UNC93B1: variants seen among roughly 807,000 people sequenced by gnomAD.
UNC93B1 encodes protein unc-93 homolog B1.
In UNC93B1, 33 loss-of-function variants were observed where a neutral mutation model predicts 56.8. That is an observed-to-expected ratio of 0.58 (90% CI 0.44 to 0.78). UNC93B1 has a LOEUF of 0.78. UNC93B1 is among the 30% of genes least tolerant of loss of function. UNC93B1 has a pLI of 0.00. For missense variants in UNC93B1, 673 were observed against 819.5 expected (o/e 0.82, Z 2.18); for synonymous variants, 334 against 358.6 (o/e 0.93, Z 0.77).
intron 3 of UNC93B1, among the ~76,000 whole-genome samples, chr11:68,002,233 C>G (rs1219770888): frequency 1.3e-5 from 2 of 150,512 alleles, no homozygotes; most frequent in African/African-American, 4.9e-5. Context: ...GGCACGTCCA[C>G]ACACGTGCTC....
At position 68,003,888 on chromosome 11, in the gene UNC93B1, G is replaced by A; in HGVS notation, c.96+60C>T. 3.1e-6 allele frequency: 4 copies of A among 1,279,250 alleles called. No individual in the cohort carries two copies. Among genetic ancestry groups the A allele is most frequent in the Non-Finnish European group, 3.9e-6 (4 of 1,019,546 alleles). The allele number at this position is 1,279,250 out of a possible 1,614,324, so 79.2% of individuals were successfully genotyped here. A position where few individuals can be genotyped will look rare whatever the true frequency, so the allele number is the denominator to read the frequency against. ...CCGCCCCCCGGCCCGCCCCGCCCCC[G>A]CCGGGGGGACCCTGGCCCACAGGGG... On this transcript the variant is annotated intron_variant, in intron 1 of 10. Coordinates refer to ENST00000227471, the MANE Select transcript of UNC93B1 (RefSeq NM_030930.4). This position sits in a 1 kb window ranked among gnomAD's most constrained non-coding sequence, Gnocchi z 4.4.
chr11:67,994,086 G>A (rs777557895), intron 9 of UNC93B1, among the ~76,000 whole-genome samples: 1 of 152,256 alleles, frequency 6.6e-6, no homozygotes, highest in Admixed American at 6.5e-5. Context: ...TCTGTGCTTA[G>A]TCATGTCCTG....
In UNC93B1 at chr11:67,998,351, G is replaced by A. The variant is rs2134362905; in HGVS notation, c.781+8C>T. On this transcript the variant is annotated splice_region_variant and intron_variant, in intron 6 of 10. Coordinates refer to ENST00000227471, the MANE Select transcript of UNC93B1 (RefSeq NM_030930.4). Reference sequence around the variant, plus strand: ...TGGACTCCTCCCCAACCCCCAACAAGGACTAACCGCAGCTCTGCACATTGT... The same window carrying A: ...TGGACTCCTCCCCAACCCCCAACAAAGACTAACCGCAGCTCTGCACATTGT... 1 of 1,613,830 alleles carries A rather than the reference G, an allele frequency of 6.2e-7. No homozygotes were observed. Among genetic ancestry groups the A allele is most frequent in the Non-Finnish European group, 8.5e-7 (1 of 1,179,802 alleles).
intron 10 of UNC93B1, among the ~76,000 whole-genome samples, chr11:67,993,284 C>T (rs1343749681): frequency 6.6e-5 from 10 of 152,252 alleles, no homozygotes; most frequent in African/African-American, 9.6e-5. Context: ...CCACCGCGCC[C>T]GGCCTTTAGT....
rs61887536 is a variant in UNC93B1, at chr11:67,997,046, C to G, written c.907-262G>C. ...GCCTCCCAGCCCAAGGCCCCATCCC[C>G]TCTCTCTCACATACACACACTTCAC... On this transcript the variant is annotated intron_variant, in intron 7 of 10. Coordinates refer to ENST00000227471, the MANE Select transcript of UNC93B1 (RefSeq NM_030930.4). Among the ~76,000 whole-genome samples the G allele has an allele frequency of 3.9e-5, 6 of 152,188 alleles. No individual in the cohort carries two copies. In the East Asian group the frequency reaches 7.7e-4, roughly 20 times the overall value.
chr11:68,003,128 C>G lies in UNC93B1; in HGVS notation c.286G>C (p.Glu96Gln), dbSNP rs753436679. ...LILHYDETYR[E>Q]VKYGNMGLPD... ...AGCCCCATGTTGCCATACTTCACCT[C>G]GCGGTAGGTCTCGTCGTAGTGCAGG... The change falls in exon 3 of 11, where the codon GAG becomes CAG. Residue 96 changes from glutamate to glutamine, a missense_variant. Around this residue, in one of 3 missense-constraint regions of UNC93B1, gnomAD observed 438 missense variants for 465.9 expected, o/e 0.94. Coordinates refer to ENST00000227471, the MANE Select transcript of UNC93B1 (RefSeq NM_030930.4). The surrounding 1 kb of genome is among the most constrained non-coding windows in gnomAD (Gnocchi z 4.4). The G allele has an allele frequency of 8.7e-6, 14 of 1,613,386 alleles. No individual in the cohort carries two copies. The highest frequency in any genetic ancestry group is 1.3e-5 in the African/African-American group (1 of 74,890).
chr11:67,998,539 AGCCTTGGGGGAACAGGG>A, intron 5 of UNC93B1, 87 bp from the exon 6 acceptor site: 1 of 1,364,426 alleles, frequency 7.3e-7, no homozygotes, highest in Non-Finnish European at 1.0e-6. Flanking sequence ...GTCCAGGCAC[AGCCTTGGGGGAACAGGG>A]GCCTTCCCAG....
intron 10 of UNC93B1, among the ~76,000 whole-genome samples, chr11:67,992,905 C>A (rs1267437878): frequency 6.6e-6 from 1 of 151,914 alleles, no homozygotes; most frequent in Non-Finnish European, 1.5e-5. Context: ...GATCTCAGAA[C>A]CCCCACCTCA....
In UNC93B1 at chr11:68,003,418, A is replaced by G; in HGVS notation, c.238+239T>C. 1.2e-6 allele frequency: 1 copy of G among 805,300 alleles called. No individual in the cohort carries two copies. The highest frequency in any genetic ancestry group is 1.8e-6 in the Non-Finnish European group (1 of 541,570). 49.9% of individuals were successfully genotyped at this position (805,300 alleles called of 1,614,324 possible). ...GCCGGCCTCCAATTCTGACGGTGGC[A>G]GGTCTGTCCGGGAGCCCGGACCCCC... On this transcript the variant is annotated intron_variant, in intron 2 of 10. Coordinates refer to ENST00000227471, the MANE Select transcript of UNC93B1 (RefSeq NM_030930.4). This position sits in a 1 kb window ranked among gnomAD's most constrained non-coding sequence, Gnocchi z 4.4.
At position 67,991,589 on chromosome 11, in the gene UNC93B1, G is replaced by A. The variant is rs766109609; in HGVS notation, c.1751C>T (p.Pro584Leu). The A allele has an allele frequency of 1.9e-5, 29 of 1,495,732 alleles. No individual in the cohort carries two copies. Among genetic ancestry groups the A allele is most frequent in the Non-Finnish European group, 2.6e-5 (29 of 1,130,386 alleles). The allele number at this position is 1,495,732 out of a possible 1,614,324, so 92.7% of individuals were successfully genotyped here. Residue 584 changes from proline to leucine, a missense_variant, in exon 11 of 11, where the codon CCG (proline) becomes CTG (leucine). Coordinates refer to ENST00000227471, the MANE Select transcript of UNC93B1 (RefSeq NM_030930.4). The stretch of plus-strand genomic sequence containing the variant: ...GTCTCCCCCCTGCGCCTGTTCGTAC[G>A]GGCAGGGCCGGCGGCCGAGTCCAGC... The part of the protein sequence containing the change: ...EPAGLGRRPC[P>L]YEQAQGGDGP...
chr11:67,995,446 T>C (rs1030605278), intron 9 of UNC93B1, among the ~76,000 whole-genome samples, 165 bp downstream of exon 9: 1 of 151,300 alleles, frequency 6.6e-6, no homozygotes, highest in African/African-American at 2.4e-5. Flanking sequence ...ACCCCCGGAG[T>C]GTCCACAGGA....
rs1380707718 is a variant in UNC93B1 at position 68,003,802 on chromosome 11, C to A, written c.97-4G>T. On this transcript the variant is annotated splice_polypyrimidine_tract_variant and splice_region_variant and intron_variant, in intron 1 of 10. Coordinates refer to ENST00000227471, the MANE Select transcript of UNC93B1 (RefSeq NM_030930.4). This position sits in a 1 kb window ranked among gnomAD's most constrained non-coding sequence, Gnocchi z 4.4. Reference sequence around the variant, plus strand: ...ACGCGCCCACCAGCTCGTCCAGCTGCGAGCCACGCACGCCGCTCGCACCCG... The same window carrying A: ...ACGCGCCCACCAGCTCGTCCAGCTGAGAGCCACGCACGCCGCTCGCACCCG... 5 of 1,482,628 alleles carry A rather than the reference C, an allele frequency of 3.4e-6. No homozygotes were observed. The East Asian group carries it at 1.1e-4, about 34-fold the overall frequency. 91.8% of individuals were successfully genotyped at this position (1,482,628 alleles called of 1,614,324 possible).
intron 5 of UNC93B1, 64 bp from the exon 6 acceptor site, chr11:67,998,516 G>A (rs1210825746): frequency 2.6e-6 from 4 of 1,531,658 alleles, no homozygotes; most frequent in East Asian, 2.2e-5. Flanking sequence ...ACACAGGCAT[G>A]GTCTGGGGAG....
chr11:67,996,806 G>A, intron 7 of UNC93B1, 22 bp from the exon 8 acceptor site: 1 of 1,518,144 alleles, frequency 6.6e-7, no homozygotes, highest in South Asian at 1.2e-5. Flanking sequence ...TTACTTGAAG[G>A]GGCGGCCAGC....
Position 68,003,309 on chromosome 11 carries a change from G to C in UNC93B1, c.239-134C>G, listed in dbSNP as rs1857077590. ...CCCGCTGACAGCGCCCCTCAGGACA[G>C]CGGGGTTCCCGGGCTGCGCCACGCC... On this transcript the variant is annotated intron_variant, in intron 2 of 10. Coordinates refer to ENST00000227471, the MANE Select transcript of UNC93B1 (RefSeq NM_030930.4). The surrounding 1 kb of genome is among the most constrained non-coding windows in gnomAD (Gnocchi z 4.4). The C allele has an allele frequency of 8.5e-7, 1 of 1,178,952 alleles. No homozygotes were observed. Among genetic ancestry groups the C allele is most frequent in the African/African-American group, 1.6e-5 (1 of 63,038 alleles). 73.0% of individuals were successfully genotyped at this position (1,178,952 alleles called of 1,614,324 possible). A position where few individuals can be genotyped will look rare whatever the true frequency, so the allele number is the denominator to read the frequency against.
chr11:67,997,473 G>A, intron 7 of UNC93B1: 1 of 879,334 alleles, frequency 1.1e-6, no homozygotes, highest in Non-Finnish European at 1.7e-6. Flanking sequence ...ACAGGCCTCA[G>A]CCCCGCCTCC....
chr11:67,998,242 A>C (rs565837193), intron 6 of UNC93B1, 117 bp downstream of exon 6: 1 of 1,211,350 alleles, frequency 8.3e-7, no homozygotes, highest in East Asian at 2.3e-5. Flanking sequence ...TGTCTTGCCC[A>C]CCAGAGCCGT....
intron 3 of UNC93B1, 31 bp downstream of exon 3, chr11:68,002,991 C>T (rs754723211): frequency 3.8e-6 from 6 of 1,584,802 alleles, no homozygotes; most frequent in African/African-American, 1.4e-5. Flanking sequence ...ATGGGAGTAC[C>T]GCAGCATCCC....
chr11:68,003,186 G>C lies in UNC93B1; in HGVS notation c.239-11C>G, dbSNP rs369746477. The C allele has an allele frequency of 1.9e-6, 3 of 1,606,782 alleles. No homozygotes were observed. Among genetic ancestry groups the C allele is most frequent in the African/African-American group, 2.7e-5 (2 of 74,746 alleles). ...GCATCTGCAGGAGGCCTGGGGACAG[G>C]ACAGAGAGCGGCGTGCAGGGAGCAG... On this transcript the variant is annotated splice_polypyrimidine_tract_variant and intron_variant, in intron 2 of 10. Coordinates refer to ENST00000227471, the MANE Select transcript of UNC93B1 (RefSeq NM_030930.4). This position sits in a 1 kb window ranked among gnomAD's most constrained non-coding sequence, Gnocchi z 4.4.
Sources: allele counts gnomAD v4.1 joint callset (sites outside exome capture counted in the v4.1 genomes callset), GRCh38; gene constraint gnomAD v4.1.1; regional missense constraint gnomAD v4.1.1; non-coding constraint Gnocchi (gnomAD v3.1); transcripts MANE v1.5; gene names NCBI Gene and HGNC (gene_info 2026-07-23, HGNC 2026-07-21).